Variants in MFSD6 observed in about 807,000 individuals in gnomAD.
MFSD6 encodes the protein major facilitator superfamily domain-containing protein 6.
A neutral mutation model predicts 56.3 loss-of-function variants in MFSD6; 26 were observed. The observed-to-expected ratio is 0.46, with a 90% CI of 0.34 to 0.64. The LOEUF (loss-of-function observed/expected upper bound fraction) is 0.64, where lower values mean the gene tolerates loss of function less well. Ranked by LOEUF, MFSD6 falls within the 30% of genes least tolerant of loss-of-function variation. The pLI is 0.01. For synonymous variants in MFSD6, 331 were observed against 366.9 expected (o/e 0.90, Z 1.12); for missense variants, 750 against 986.2 (o/e 0.76, Z 3.21).
chr2:190,478,818 T>C (rs954977085), intron 4 of MFSD6, among the ~76,000 whole-genome samples: 1 of 116,292 alleles, frequency 8.6e-6, no homozygotes, highest in African/African-American at 3.0e-5. Flanking sequence ...GCCAGAACCA[T>C]ACAAGAGGGT....
At chr2:190,480,464 T>C (rs1468456388) in intron 4 of MFSD6, among the ~76,000 whole-genome samples, 1 of 152,186 alleles carries the variant, frequency 6.6e-6, no homozygotes, top group African/African-American at 2.4e-5. Context: ...TGAAGAAAAT[T>C]TGAAAATTAA....
rs1209742426 is a variant in MFSD6, at chr2:190,469,065, T to C, written c.1533-693T>C. ...GCTTATTTTCTTTCTACTTATACTT[T>C]TGGCAGCGGTAATGGTGGGGGTGAG... is the stretch of plus-strand genomic sequence containing the variant. On this transcript the variant is annotated intron_variant, in intron 3 of 7. Coordinates refer to ENST00000392328, the MANE Select transcript of MFSD6 (RefSeq NM_017694.4). This position sits in a 1 kb window ranked among gnomAD's most constrained non-coding sequence, Gnocchi z 5.3. Among the ~76,000 whole-genome samples, 1 of 152,150 alleles carries C rather than the reference T, an allele frequency of 6.6e-6. No homozygotes were observed. The highest frequency in any genetic ancestry group is 1.5e-5 in the Non-Finnish European group (1 of 68,016).
chr2:190,446,348 C>A (rs959322188), intron 3 of MFSD6, among the ~76,000 whole-genome samples: 1 of 152,162 alleles, frequency 6.6e-6, no homozygotes, highest in African/African-American at 2.4e-5. Flanking sequence ...TTGGGAAGTT[C>A]CCCCAGATCT....
Position 190,438,553 on chromosome 2 carries a change from G to A in MFSD6, c.1532+992G>A, listed in dbSNP as rs1428512501. Reference sequence around the variant, plus strand: ...ACCCTGTAAGTGCCTAGTGTTTCTTGTTGTGTACTATTTCTTCTCACCATT... The same window carrying A: ...ACCCTGTAAGTGCCTAGTGTTTCTTATTGTGTACTATTTCTTCTCACCATT... On this transcript the variant is annotated intron_variant, in intron 3 of 7. Transcript: ENST00000392328. The surrounding 1 kb of genome is among the most constrained non-coding windows in gnomAD (Gnocchi z 5.2). Among the ~76,000 whole-genome samples, 1 of 152,162 alleles carries A rather than the reference G, an allele frequency of 6.6e-6. No individual in the cohort carries two copies. Among genetic ancestry groups the A allele is most frequent in the Non-Finnish European group, 1.5e-5 (1 of 68,030 alleles).
Position 190,499,983 on chromosome 2 carries a change from A to C in MFSD6, c.2173-32A>C, listed in dbSNP as rs1270887908. 3 of 1,611,082 alleles carry C rather than the reference A, an allele frequency of 1.9e-6. No individual in the cohort carries two copies. Among genetic ancestry groups the C allele is most frequent in the Non-Finnish European group, 2.5e-6 (3 of 1,177,382 alleles). On this transcript the variant is annotated intron_variant, in intron 7 of 7. Transcript: ENST00000392328. The surrounding 1 kb of genome is among the most constrained non-coding windows in gnomAD (Gnocchi z 6.0). The stretch of plus-strand genomic sequence containing the variant: ...AAGTTGGATTTATTTGCTATCACTG[A>C]TCATGGGGCATCTCCTGTTTTTTAC...
At chr2:190,428,625 G>T (rs1045893149) in intron 2 of MFSD6, among the ~76,000 whole-genome samples, 1 of 151,942 alleles carries the variant, frequency 6.6e-6, no homozygotes, top group Non-Finnish European at 1.5e-5. Context: ...TGAGTATCAT[G>T]TTGGCACTCA....
Position 190,499,887 on chromosome 2 carries a change from C to T in MFSD6, c.2173-128C>T, listed in dbSNP as rs1689935064. ...ACATTCTATCCTTATTCCTCTATTACTTGGTCCCTGAAATGGGCACTTCCG... is the reference window on the plus strand; with the variant it reads ...ACATTCTATCCTTATTCCTCTATTATTTGGTCCCTGAAATGGGCACTTCCG... On this transcript the variant is annotated intron_variant, in intron 7 of 7. Coordinates refer to ENST00000392328, the MANE Select transcript of MFSD6 (RefSeq NM_017694.4). This position sits in a 1 kb window ranked among gnomAD's most constrained non-coding sequence, Gnocchi z 6.0. 6.4e-7 allele frequency: 1 copy of T among 1,561,078 alleles called. No homozygotes were observed. Among genetic ancestry groups the T allele is most frequent in the East Asian group, 2.4e-5 (1 of 42,060 alleles).
At chr2:190,441,805 A>G (rs961684483) in intron 3 of MFSD6, among the ~76,000 whole-genome samples, 3 of 151,998 alleles carry the variant, frequency 2.0e-5, no homozygotes, top group Non-Finnish European at 2.9e-5. Flanking sequence ...GAGCTCCAAC[A>G]ACATTCTCTC....
intron 3 of MFSD6, among the ~76,000 whole-genome samples, chr2:190,452,879 G>A (rs1282111764): frequency 6.6e-6 from 1 of 152,076 alleles, no homozygotes; most frequent in African/African-American, 2.4e-5. Context: ...GAATATAAGT[G>A]GCAAAAACTA....
intron 2 of MFSD6, among the ~76,000 whole-genome samples, chr2:190,429,774 C>A (rs1685904098): frequency 6.6e-6 from 1 of 151,922 alleles, no homozygotes; most frequent in South Asian, 2.1e-4. Context: ...GACTTTTAAA[C>A]CTATAATCTA....
chr2:190,464,180 G>A (rs1052198170), intron 3 of MFSD6, among the ~76,000 whole-genome samples: 8 of 152,206 alleles, frequency 5.3e-5, no homozygotes, highest in African/African-American at 1.9e-4. Context: ...AACACAAACT[G>A]TAGACAAGTG....
chr2:190,499,916 G>A lies in MFSD6; in HGVS notation c.2173-99G>A, dbSNP rs1689936890. On this transcript the variant is annotated intron_variant, in intron 7 of 7. Coordinates refer to ENST00000392328, the MANE Select transcript of MFSD6 (RefSeq NM_017694.4). This position sits in a 1 kb window ranked among gnomAD's most constrained non-coding sequence, Gnocchi z 6.0. ...GTCCCTGAAATGGGCACTTCCGGAT[G>A]ATCTCCCCATGTTTCCTGTCTTACT... 3.8e-6 allele frequency: 6 copies of A among 1,583,548 alleles called. No individual in the cohort carries two copies. The Admixed American group carries it at 8.8e-5, about 23-fold the overall frequency.
At chr2:190,435,916 G>A (rs1686160607) in intron 2 of MFSD6, 61 bp from the exon 3 acceptor site, 1 of 1,338,470 alleles carries the variant, frequency 7.5e-7, no homozygotes, top group Non-Finnish European at 1.0e-6. Flanking sequence ...GCAAGATGAA[G>A]TTCTGTGTTT....
Position 190,434,651 on chromosome 2 carries a change from C to A in MFSD6, c.-53-1326C>A, listed in dbSNP as rs1446370866. Among the ~76,000 whole-genome samples the A allele has an allele frequency of 2.0e-5, 3 of 152,126 alleles. No homozygotes were observed. The highest frequency in any genetic ancestry group is 6.5e-5 in the Admixed American group (1 of 15,284). On this transcript the variant is annotated intron_variant, in intron 2 of 7. Transcript: ENST00000392328. This position sits in a 1 kb window ranked among gnomAD's most constrained non-coding sequence, Gnocchi z 4.3. Reference sequence around the variant, plus strand: ...GTTTCACCATGTTGGCCAGGATGGTCTCAATCTCCTGAACTCATGATCCGC... The same window carrying A: ...GTTTCACCATGTTGGCCAGGATGGTATCAATCTCCTGAACTCATGATCCGC...
Position 190,417,691 on chromosome 2 carries a change from C to A in MFSD6, c.-54+2278C>A, listed in dbSNP as rs1239102522. On this transcript the variant is annotated intron_variant, in intron 2 of 7. Transcript: ENST00000392328. The surrounding 1 kb of genome is among the most constrained non-coding windows in gnomAD (Gnocchi z 5.7). ...TGGGTGGCCTCATGTGCCCTTTAGT[C>A]TTGGGATAAATCTTTTACGGATCCT... Among the ~76,000 whole-genome samples, 1 of 152,068 alleles carries A rather than the reference C, an allele frequency of 6.6e-6. No individual in the cohort carries two copies. The highest frequency in any genetic ancestry group is 1.5e-5 in the Non-Finnish European group (1 of 68,016).
intron 3 of MFSD6, among the ~76,000 whole-genome samples, chr2:190,468,714 C>T (rs1023267442): frequency 6.6e-6 from 1 of 151,560 alleles, no homozygotes; most frequent in African/African-American, 2.4e-5. Flanking sequence ...CTGCCTCAGC[C>T]TCCCAGGGTG....
At chr2:190,452,488 G>T (rs1686814858) in intron 3 of MFSD6, among the ~76,000 whole-genome samples, 1 of 152,118 alleles carries the variant, frequency 6.6e-6, no homozygotes, top group South Asian at 2.1e-4. Context: ...GATGAGAATT[G>T]TAGAGTGATT....
At chr2:190,472,416 C>A (rs183913454) in intron 4 of MFSD6, among the ~76,000 whole-genome samples, 1 of 152,090 alleles carries the variant, frequency 6.6e-6, no homozygotes, top group Non-Finnish European at 1.5e-5. Flanking sequence ...CTGAAAACCA[C>A]GGCACGAGAA....
At chr2:190,442,915 T>G (rs1686436065) in intron 3 of MFSD6, 1 of 152,102 alleles carries the variant, frequency 6.6e-6, no homozygotes, top group Admixed American at 6.5e-5. Context: ...AGAAGAGAAA[T>G]GGGCTGAGGA....
Sources: allele counts gnomAD v4.1 joint callset (sites outside exome capture counted in the v4.1 genomes callset), GRCh38; gene constraint gnomAD v4.1.1; non-coding constraint Gnocchi (gnomAD v3.1); transcripts MANE v1.5; gene names NCBI Gene and HGNC (gene_info 2026-07-23, HGNC 2026-07-21).